The following FOXP2 variants were observed in gnomAD, a reference collection of about 807,000 sequenced individuals.
FOXP2 encodes forkhead box P2, also known as forkhead box protein P2.
A neutral mutation model predicts 115.8 loss-of-function variants in FOXP2; 12 were observed. The observed-to-expected ratio is 0.10, with a 90% confidence interval of 0.07 to 0.17. The LOEUF (loss-of-function observed/expected upper bound fraction) is 0.17. FOXP2 is among the 10% of genes least tolerant of loss of function. The probability of loss-of-function intolerance (pLI) is 1.00; values close to 1 mark genes in which losing one functional copy is unlikely to be tolerated. For synonymous variants in FOXP2, 328 were observed against 297.7 expected (o/e 1.10, Z -1.05); for missense variants, 629 against 843.5 (o/e 0.75, Z 3.15).
intron 2 of FOXP2, among the ~76,000 whole-genome samples, chr7:114,302,166 T>A (rs1796893709): frequency 6.6e-6 from 1 of 152,192 alleles, no homozygotes; most frequent in Non-Finnish European, 1.5e-5. Context: ...CATATTTTGA[T>A]CTTTGTTAAC....
chr7:114,400,599 CA>C (rs1350755906), intron 2 of FOXP2, among the ~76,000 whole-genome samples: 2 of 152,126 alleles, frequency 1.3e-5, no homozygotes, highest in African/African-American at 4.8e-5. Flanking sequence ...TTTCCACAGA[CA>C]GGAGTCGGGT....
At chr7:114,570,049 T>A (rs1801212114) in intron 3 of FOXP2, among the ~76,000 whole-genome samples, 1 of 151,934 alleles carries the variant, frequency 6.6e-6, no homozygotes, top group Non-Finnish European at 1.5e-5. Context: ...TGCAGTGTAA[T>A]CCTTTTGCCC....
chr7:114,261,856 C>G (rs1795761214), intron 1 of FOXP2, among the ~76,000 whole-genome samples: 1 of 151,898 alleles, frequency 6.6e-6, no homozygotes, highest in African/African-American at 2.4e-5. Flanking sequence ...GTCAGGAGCT[C>G]GAGACTAGCC....
At chr7:114,686,269 T>C (rs564511907) in intron 16 of FOXP2, among the ~76,000 whole-genome samples, 2 of 152,020 alleles carry the variant, frequency 1.3e-5, no homozygotes, top group East Asian at 1.9e-4. Flanking sequence ...TGCTCCCAGG[T>C]TCAGGTGATT....
chr7:114,191,900 A>G (rs933968219), intron 1 of FOXP2, among the ~76,000 whole-genome samples: 7 of 152,174 alleles, frequency 4.6e-5, no homozygotes, highest in African/African-American at 1.7e-4. Context: ...CCTCTGCTGT[A>G]CCAATTCATA....
At chr7:114,590,865 C>T (rs190943414) in intron 3 of FOXP2, among the ~76,000 whole-genome samples, 236 of 152,064 alleles carry the variant, frequency 1.6e-3, no homozygotes, top group Non-Finnish European at 2.8e-3. Flanking sequence ...AACTCAGGTA[C>T]AATTAATTTG....
intron 2 of FOXP2, among the ~76,000 whole-genome samples, chr7:114,328,233 C>CTTTTTT (rs1193894946): frequency 2.2e-4 from 29 of 129,586 alleles, no homozygotes; most frequent in Non-Finnish European, 2.8e-4. Context: ...CTTTTCTTTT[C>CTTTTTT]TTTTTTTTTT....
At chr7:114,638,205 C>G (rs533820435) in intron 6 of FOXP2, among the ~76,000 whole-genome samples, 2 of 152,006 alleles carry the variant, frequency 1.3e-5, no homozygotes, top group South Asian at 2.1e-4. Context: ...TTAAAACTTA[C>G]GCAAACTAGT....
At chr7:114,152,864 T>A (rs1170357017) in intron 1 of FOXP2, among the ~76,000 whole-genome samples, 1 of 152,092 alleles carries the variant, frequency 6.6e-6, no homozygotes. Context: ...TACCTCAGTT[T>A]TCATCATCTG....
At chr7:114,346,507 T>A (rs901604458) in intron 2 of FOXP2, among the ~76,000 whole-genome samples, 1 of 151,808 alleles carries the variant, frequency 6.6e-6, no homozygotes, top group African/African-American at 2.4e-5. Flanking sequence ...TTATTTATGA[T>A]AGAATACGGA....
At chr7:114,196,086 C>T (rs554311703) in intron 1 of FOXP2, among the ~76,000 whole-genome samples, 39 of 152,240 alleles carry the variant, frequency 2.6e-4, no homozygotes, top group African/African-American at 7.7e-4. Context: ...GATCTCGGCT[C>T]ACTGTACCCT....
At chr7:114,156,875 T>A (rs1037398517) in intron 1 of FOXP2, among the ~76,000 whole-genome samples, 68 of 152,178 alleles carry the variant, frequency 4.5e-4, no homozygotes, top group Non-Finnish European at 9.3e-4. Flanking sequence ...TAAATTTTAA[T>A]GTTGACTTAG....
At chr7:114,639,614 A>C (rs1430108520) in intron 6 of FOXP2, among the ~76,000 whole-genome samples, 1 of 152,118 alleles carries the variant, frequency 6.6e-6, no homozygotes, top group Non-Finnish European at 1.5e-5. Flanking sequence ...GGAAACTTAG[A>C]GGAGGTGAAC....
intron 1 of FOXP2, among the ~76,000 whole-genome samples, chr7:114,187,271 G>A (rs1382754490): frequency 6.6e-6 from 1 of 151,956 alleles, no homozygotes; most frequent in African/African-American, 2.4e-5. Flanking sequence ...TTTAATATAT[G>A]GAATTAAAAG....
At chr7:114,649,198 G>T (rs900208440) in intron 8 of FOXP2, among the ~76,000 whole-genome samples, 2 of 151,988 alleles carry the variant, frequency 1.3e-5, no homozygotes, top group Non-Finnish European at 2.9e-5. Context: ...AGTAAAAAAA[G>T]AAACTTAATA....
At chr7:114,507,594 C>T (rs542475460) in intron 2 of FOXP2, among the ~76,000 whole-genome samples, 1 of 152,004 alleles carries the variant, frequency 6.6e-6, no homozygotes, top group African/African-American at 2.4e-5. Flanking sequence ...CTGGCATTGA[C>T]TCAATGACTG....
chr7:114,328,005 C>T (rs1287981723), intron 2 of FOXP2, among the ~76,000 whole-genome samples: 1 of 151,788 alleles, frequency 6.6e-6, no homozygotes, highest in African/African-American at 2.4e-5. Flanking sequence ...ACTGCAGCCT[C>T]AACTTTCTGG....
intron 2 of FOXP2, among the ~76,000 whole-genome samples, chr7:114,531,773 G>T (rs904194245): frequency 1.3e-5 from 2 of 151,886 alleles, no homozygotes; most frequent in African/African-American, 4.8e-5. Flanking sequence ...TTTTTAGCCA[G>T]CTATCTTGTG....
chr7:114,142,019 A>T (rs574744135), intron 1 of FOXP2, among the ~76,000 whole-genome samples: 10 of 150,530 alleles, frequency 6.6e-5, no homozygotes, highest in African/African-American at 2.4e-4. Flanking sequence ...GAAATGTTTT[A>T]AAGAATTAGA....
Sources: gnomAD v4.1 joint callset for allele counts (sites outside exome capture counted in the v4.1 genomes callset) on GRCh38, gnomAD v4.1.1 for gene constraint, MANE v1.5 for transcripts, NCBI Gene and HGNC (gene_info 2026-07-23, HGNC 2026-07-21) for gene names.